Variants in SEPTIN9 observed in about 807,000 individuals in gnomAD.
SEPTIN9 encodes septin-9.
SEPTIN9 carries 13 observed loss-of-function variants against 56.6 expected under a neutral mutation model. The observed-to-expected ratio is 0.23, with a 90% CI of 0.15 to 0.37. SEPTIN9 has a LOEUF of 0.37. SEPTIN9 is among the 10% of genes least tolerant of loss of function. The probability of loss-of-function intolerance (pLI) is 1.00; values close to 1 mark genes in which losing one functional copy is unlikely to be tolerated. For synonymous variants in SEPTIN9, 332 were observed against 334.1 expected, an observed-to-expected ratio of 0.99 and a Z score of 0.07; for missense variants, 650 against 823.1, an observed-to-expected ratio of 0.79 and a Z score of 2.57.
At chr17:77,297,126 G>T (rs994670013) in intron 1 of SEPTIN9, among the ~76,000 whole-genome samples, 1 of 152,176 alleles carries the variant, frequency 6.6e-6, no homozygotes, top group South Asian at 2.1e-4. Context: ...AGGCCAAGAT[G>T]TACCACAGAA....
chr17:77,353,591 C>T (rs1006421529), intron 2 of SEPTIN9, among the ~76,000 whole-genome samples: 5 of 152,060 alleles, frequency 3.3e-5, no homozygotes, highest in African/African-American at 1.2e-4. Flanking sequence ...TTTACGACAA[C>T]TTGAATTTCA....
chr17:77,309,218 T>C (rs2032386231), intron 2 of SEPTIN9, among the ~76,000 whole-genome samples: 1 of 152,248 alleles, frequency 6.6e-6, no homozygotes, highest in Admixed American at 6.5e-5. Flanking sequence ...GTTGCTTCCC[T>C]CTGCTCAGAC....
In SEPTIN9 at chr17:77,456,748, C is replaced by T. The variant is rs925549500; in HGVS notation, c.722-25396C>T. On this transcript the variant is annotated intron_variant, in intron 3 of 11. Coordinates refer to ENST00000427177, the MANE Select transcript of SEPTIN9 (RefSeq NM_001113491.2). The surrounding 1 kb of genome is among the most constrained non-coding windows in gnomAD (Gnocchi z 6.0). ...AGTACCAGATCTCAGGGACCAGCACCGGGTACCCACAGCCAGGGACGGGTC... is the reference window on the plus strand; with the variant it reads ...AGTACCAGATCTCAGGGACCAGCACTGGGTACCCACAGCCAGGGACGGGTC... 4.6e-5 allele frequency among the ~76,000 whole-genome samples: 7 copies of T among 151,632 alleles called. No individual in the cohort carries two copies. Among genetic ancestry groups the T allele is most frequent in the African/African-American group, 7.3e-5 (3 of 41,278 alleles).
chr17:77,325,575 G>A (rs1459666874), intron 2 of SEPTIN9, among the ~76,000 whole-genome samples: 4 of 152,198 alleles, frequency 2.6e-5, no homozygotes, highest in Non-Finnish European at 5.9e-5. Context: ...GCGTCCTGAG[G>A]CCTGCCCTGC....
rs1046246592 is a variant in SEPTIN9 at position 77,405,139 on chromosome 17, A to G, written c.721+2436A>G. ...GGACGTGGTCCTGGCTCTGGGGGAC[A>G]GGTAGGGGGATGTCCATGGGGATGT... On this transcript the variant is annotated intron_variant, in intron 3 of 11. Transcript: ENST00000427177. The surrounding 1 kb of genome is among the most constrained non-coding windows in gnomAD (Gnocchi z 5.8). 46 of 1,534,416 alleles carry G rather than the reference A, an allele frequency of 3.0e-5. No homozygotes were observed. In the Admixed American group the frequency reaches 8.8e-4, roughly 29 times the overall value.
At position 77,475,668 on chromosome 17, in the gene SEPTIN9, TGCTGGGCCCAC is replaced by T. The variant is rs923875830; in HGVS notation, c.722-6467_722-6457del. The T allele has an allele frequency of 9.9e-6, 16 of 1,613,700 alleles. No homozygotes were observed. Among genetic ancestry groups the T allele is most frequent in the African/African-American group, 1.3e-5 (1 of 74,928 alleles). On this transcript the variant is annotated intron_variant, in intron 3 of 11. Coordinates refer to ENST00000427177, the MANE Select transcript of SEPTIN9 (RefSeq NM_001113491.2). This position sits in a 1 kb window ranked among gnomAD's most constrained non-coding sequence, Gnocchi z 4.6. ...TTGTTACGAGGCAAAGTAAGGAGACTGCTGGGCCCACGCTGGGCCGGGGTGGATGGAGGCAA... is the reference window on the plus strand; with the variant it reads ...TTGTTACGAGGCAAAGTAAGGAGACTGCTGGGCCGGGGTGGATGGAGGCAA...
chr17:77,447,699 A>T (rs781123877), intron 3 of SEPTIN9, among the ~76,000 whole-genome samples: 17 of 152,236 alleles, frequency 1.1e-4, no homozygotes, highest in Non-Finnish European at 2.1e-4. Flanking sequence ...ATCTCAGCTC[A>T]CCGCAACCTC....
chr17:77,411,361 G>A (rs2036288465), intron 3 of SEPTIN9, among the ~76,000 whole-genome samples: 1 of 151,322 alleles, frequency 6.6e-6, no homozygotes, highest in South Asian at 2.1e-4. Flanking sequence ...CAACACTGTT[G>A]CCACTTGTAG....
chr17:77,362,727 C>T (rs1216201434), intron 2 of SEPTIN9, among the ~76,000 whole-genome samples: 8 of 152,328 alleles, frequency 5.3e-5, no homozygotes, highest in African/African-American at 1.7e-4. Flanking sequence ...GTTCGTCACA[C>T]GCTTGTGGCT....
chr17:77,319,733 G>A lies in SEPTIN9; in HGVS notation c.76+12536G>A, dbSNP rs1472178430. 7.5e-6 allele frequency: 8 copies of A among 1,070,930 alleles called. No individual in the cohort carries two copies. The highest frequency in any genetic ancestry group is 5.0e-5 in the Admixed American group (1 of 19,906). 66.3% of individuals were successfully genotyped at this position (1,070,930 alleles called of 1,614,324 possible). Reference sequence around the variant, plus strand: ...GGAACTGGGCTTTTTAAACCCTTAAGCCCAAGGAAATCGTAGCATCGCGGG... The same window carrying A: ...GGAACTGGGCTTTTTAAACCCTTAAACCCAAGGAAATCGTAGCATCGCGGG... On this transcript the variant is annotated intron_variant, in intron 2 of 11. Coordinates refer to ENST00000427177, the MANE Select transcript of SEPTIN9 (RefSeq NM_001113491.2). The surrounding 1 kb of genome is among the most constrained non-coding windows in gnomAD (Gnocchi z 5.3).
At chr17:77,386,269 G>T (rs759639170) in intron 2 of SEPTIN9, among the ~76,000 whole-genome samples, 42 of 152,210 alleles carry the variant, frequency 2.8e-4, no homozygotes, top group Admixed American at 4.6e-4. Flanking sequence ...GCTGGTGGGT[G>T]GGTCCCTGTT....
Position 77,453,918 on chromosome 17 carries a change from G to T in SEPTIN9, c.722-28226G>T. On this transcript the variant is annotated intron_variant, in intron 3 of 11. Coordinates refer to ENST00000427177, the MANE Select transcript of SEPTIN9 (RefSeq NM_001113491.2). This position sits in a 1 kb window ranked among gnomAD's most constrained non-coding sequence, Gnocchi z 4.4. ...TGGTGCAGTGTGTGGCTTCCCTGCC[G>T]GTGTCAAAGGTCTCAAGGCCCCTTT... 6.2e-6 allele frequency: 2 copies of T among 324,714 alleles called. No homozygotes were observed. Among genetic ancestry groups the T allele is most frequent in the Non-Finnish European group, 4.4e-6 (1 of 225,724 alleles). The allele number at this position is 324,714 out of a possible 1,614,324, so 20.1% of individuals were successfully genotyped here.
rs184579936 is a variant in SEPTIN9, at chr17:77,465,515, C to T, written c.722-16629C>T. Among the ~76,000 whole-genome samples, 6 of 151,386 alleles carry T rather than the reference C, an allele frequency of 4.0e-5. No individual in the cohort carries two copies. The East Asian group carries it at 7.9e-4, about 20-fold the overall frequency. On this transcript the variant is annotated intron_variant, in intron 3 of 11. Coordinates refer to ENST00000427177, the MANE Select transcript of SEPTIN9 (RefSeq NM_001113491.2). Reference sequence around the variant, plus strand: ...TGCTCTGAGGTTGTCTCGCCGGCACCGGGCACTGTGAGCCCCAGGAGGCCA... The same window carrying T: ...TGCTCTGAGGTTGTCTCGCCGGCACTGGGCACTGTGAGCCCCAGGAGGCCA...
chr17:77,451,272 C>G lies in SEPTIN9; in HGVS notation c.722-30872C>G, dbSNP rs1419468954. Reference sequence around the variant, plus strand: ...CCTTCAGGTTGCTTCTGCGCCGGGCCTGCCGCTGGGCGCCCCTATCTCTGC... The same window carrying G: ...CCTTCAGGTTGCTTCTGCGCCGGGCGTGCCGCTGGGCGCCCCTATCTCTGC... On this transcript the variant is annotated intron_variant, in intron 3 of 11. Coordinates refer to ENST00000427177, the MANE Select transcript of SEPTIN9 (RefSeq NM_001113491.2). The surrounding 1 kb of genome is among the most constrained non-coding windows in gnomAD (Gnocchi z 4.2). 1.8e-5 allele frequency: 13 copies of G among 738,536 alleles called. No homozygotes were observed. The highest frequency in any genetic ancestry group is 2.0e-5 in the Non-Finnish European group (12 of 604,142). The allele number at this position is 738,536 out of a possible 1,614,324, so 45.7% of individuals were successfully genotyped here.
At chr17:77,368,663 G>T (rs2034638051) in intron 2 of SEPTIN9, among the ~76,000 whole-genome samples, 1 of 152,026 alleles carries the variant, frequency 6.6e-6, no homozygotes, top group Non-Finnish European at 1.5e-5. Flanking sequence ...AAAATGCATT[G>T]CTCTATTAGA....
intron 2 of SEPTIN9, among the ~76,000 whole-genome samples, chr17:77,356,855 G>C (rs977342565): frequency 6.7e-6 from 1 of 148,914 alleles, no homozygotes. Flanking sequence ...CTAGGAAAAG[G>C]CTCATGCAGG....
chr17:77,283,037 C>T (rs1272419093), intron 1 of SEPTIN9, among the ~76,000 whole-genome samples: 1 of 152,130 alleles, frequency 6.6e-6, no homozygotes, highest in African/African-American at 2.4e-5. Context: ...TGCACAGATG[C>T]CGGAAGGGCC....
In SEPTIN9 at chr17:77,313,341, G is replaced by C. The variant is rs910848171; in HGVS notation, c.76+6144G>C. ...CGGGCTGCTTCTCCCCGTTGTCTTG[G>C]TTTCCTTCCACGCTGACCTGGAAGG... On this transcript the variant is annotated intron_variant, in intron 2 of 11. Transcript: ENST00000427177. The surrounding 1 kb of genome is among the most constrained non-coding windows in gnomAD (Gnocchi z 4.5). 2.0e-5 allele frequency among the ~76,000 whole-genome samples: 3 copies of C among 152,242 alleles called. No individual in the cohort carries two copies. The highest frequency in any genetic ancestry group is 4.4e-5 in the Non-Finnish European group (3 of 68,040).
intron 3 of SEPTIN9, among the ~76,000 whole-genome samples, chr17:77,412,082 A>T (rs1002313003): frequency 6.7e-6 from 1 of 149,374 alleles, no homozygotes; most frequent in African/African-American, 2.5e-5. Context: ...GTGAGCCAAG[A>T]TCGTGCCATT....
Sources: gnomAD v4.1 joint callset for allele counts (sites outside exome capture counted in the v4.1 genomes callset) on GRCh38, gnomAD v4.1.1 for gene constraint, Gnocchi (gnomAD v3.1) non-coding constraint, MANE v1.5 for transcripts, NCBI Gene and HGNC (gene_info 2026-07-23, HGNC 2026-07-21) for gene names.